SMARCC1: variants seen among roughly 807,000 people sequenced by gnomAD.
The protein encoded by SMARCC1 is SWI/SNF related BAF chromatin remodeling complex subunit C1.
SMARCC1 carries 43 observed loss-of-function variants against 147.4 expected under a neutral mutation model. The ratio of observed to expected loss-of-function variants is 0.29; its 90% CI spans 0.23 to 0.38. SMARCC1 has a LOEUF of 0.38. Among genes scored for constraint, SMARCC1 ranks in the 10% least tolerant of loss-of-function variants. SMARCC1 has a pLI of 1.00. For synonymous variants in SMARCC1, 495 were observed against 484.4 expected (o/e 1.02, Z -0.29); for missense variants, 1,119 against 1,381.1 (o/e 0.81, Z 3.01).
chr3:47,663,575 G>A (rs535951580), intron 19 of SMARCC1: 21 of 1,347,372 alleles, frequency 1.6e-5, no homozygotes, highest in Admixed American at 7.6e-5. Context: ...GCAAGACCCT[G>A]TCTTAGGTCG....
intron 24 of SMARCC1, among the ~76,000 whole-genome samples, chr3:47,627,539 C>A (rs532394922): frequency 6.6e-6 from 1 of 152,190 alleles, no homozygotes; most frequent in South Asian, 2.1e-4. Flanking sequence ...CAGCAAGAGT[C>A]TGAAGCTAAG....
intron 21 of SMARCC1, among the ~76,000 whole-genome samples, chr3:47,639,134 AT>A (rs765803652): frequency 6.6e-6 from 1 of 152,134 alleles, no homozygotes; most frequent in African/African-American, 2.4e-5. Flanking sequence ...TCTGCTTAGG[AT>A]TTTCGATTTT....
At chr3:47,604,433 C>A in intron 26 of SMARCC1, 1 of 386,620 alleles carries the variant, frequency 2.6e-6, no homozygotes, top group Non-Finnish European at 5.1e-6. Flanking sequence ...TAATCTTCAG[C>A]TCCCAATGTA....
intron 26 of SMARCC1, chr3:47,604,317 C>T (rs1436434957): frequency 1.3e-5 from 6 of 456,498 alleles, no homozygotes; most frequent in Non-Finnish European, 2.6e-5. Flanking sequence ...TCTGCCTAGT[C>T]CCTCCTCTCA....
At chr3:47,626,592 T>C (rs2032814364) in intron 24 of SMARCC1, among the ~76,000 whole-genome samples, 1 of 152,190 alleles carries the variant, frequency 6.6e-6, no homozygotes, top group Non-Finnish European at 1.5e-5. Flanking sequence ...AATGCATCTT[T>C]GGAATAATTG....
chr3:47,689,271 A>C, intron 13 of SMARCC1, 116 bp downstream of exon 13: 1 of 781,738 alleles, frequency 1.3e-6, no homozygotes, highest in Non-Finnish European at 2.1e-6. Context: ...AAAATTCAAA[A>C]ACCAGAAGGG....
chr3:47,729,588 G>T (rs1470911171), intron 5 of SMARCC1, among the ~76,000 whole-genome samples: 1 of 152,176 alleles, frequency 6.6e-6, no homozygotes, highest in Non-Finnish European at 1.5e-5. Context: ...GTTTCACCAT[G>T]TTGGTCAGGC....
intron 24 of SMARCC1, 72 bp from the exon 25 acceptor site, chr3:47,622,413 T>C: frequency 7.2e-7 from 1 of 1,385,032 alleles, no homozygotes; most frequent in South Asian, 1.2e-5. Flanking sequence ...ATGCTGACAA[T>C]ATTCAAAGTA....
chr3:47,610,070 C>T lies in SMARCC1; in HGVS notation c.3039G>A (p.Gln1013=), dbSNP rs1417795014. The change falls in exon 26 of 28, where the codon CAG becomes CAA. Residue 1013 remains glutamine, a synonymous_variant. Coordinates refer to ENST00000254480, the MANE Select transcript of SMARCC1 (RefSeq NM_003074.4). Reference sequence around the variant, plus strand: ...AGAGCAGGGCCTTCCTCTTACCTGGCTGGGGTGGATGAGGTGGTGGCATCT... The same window carrying T: ...AGAGCAGGGCCTTCCTCTTACCTGGTTGGGGTGGATGAGGTGGTGGCATCT... The part of the protein sequence containing the change: ...HHQMPPPHPP[Q]PGQIPGPGSM... The T allele has an allele frequency of 1.9e-6, 3 of 1,612,106 alleles. No individual in the cohort carries two copies. The highest frequency in any genetic ancestry group is 1.7e-6 in the Non-Finnish European group (2 of 1,179,964).
chr3:47,704,412 A>G (rs377521475), intron 10 of SMARCC1, among the ~76,000 whole-genome samples: 101 of 152,348 alleles, frequency 6.6e-4, no homozygotes, highest in African/African-American at 2.3e-3. Flanking sequence ...CATATATTTT[A>G]GAGAACTCAA....
Position 47,720,691 on chromosome 3 carries a change from C to T in SMARCC1, c.691G>A (p.Val231Met), listed in dbSNP as rs1325352190. Residue 231 changes from valine (V) to methionine (M), a missense_variant, in exon 7 of 28, where the codon GTG becomes ATG. Val to Met is a conservative substitution (Grantham distance 21). Around this residue, in one of 6 missense-constraint regions of SMARCC1, gnomAD observed 542 missense variants for 611.8 expected, o/e 0.89. Coordinates refer to ENST00000254480, the MANE Select transcript of SMARCC1 (RefSeq NM_003074.4). ...CTGTCTGGGTAAAAGCCCCAATGCACTAACACTTGCTTCTCTTTTCTCATC... is the reference window on the plus strand; with the variant it reads ...CTGTCTGGGTAAAAGCCCCAATGCATTAACACTTGCTTCTCTTTTCTCATC... ...PVMRKEKQVLVHWGFYPDSYD... is the reference protein window; with the variant it reads ...PVMRKEKQVLMHWGFYPDSYD... 3.1e-6 allele frequency: 5 copies of T among 1,612,816 alleles called. No homozygotes were observed. Among genetic ancestry groups the T allele is most frequent in the Admixed American group, 1.7e-5 (1 of 59,968 alleles).
intron 2 of SMARCC1, among the ~76,000 whole-genome samples, chr3:47,748,666 C>T (rs1000642252): frequency 6.6e-6 from 1 of 152,100 alleles, no homozygotes; most frequent in Non-Finnish European, 1.5e-5. Context: ...ATAATTTCCA[C>T]ATTATGAAGG....
intron 5 of SMARCC1, among the ~76,000 whole-genome samples, chr3:47,730,607 TG>T (rs2034361910): frequency 6.6e-6 from 1 of 152,188 alleles, no homozygotes; most frequent in South Asian, 2.1e-4. Flanking sequence ...GGCTCACGCC[TG>T]TAATCCCAGC....
At chr3:47,634,355 T>A (rs182176993) in intron 24 of SMARCC1, among the ~76,000 whole-genome samples, 1 of 152,250 alleles carries the variant, frequency 6.6e-6, no homozygotes, top group Non-Finnish European at 1.5e-5. Context: ...AATCTTGTAG[T>A]TTGAATTGGT....
chr3:47,678,500 A>G (rs747115219), intron 15 of SMARCC1, 189 bp from the exon 16 acceptor site: 176 of 417,814 alleles, frequency 4.2e-4, no homozygotes, highest in Non-Finnish European at 6.5e-4. Context: ...TATGCAAAAC[A>G]ACTGTTTATT....
chr3:47,644,152 C>T (rs1311291865), intron 21 of SMARCC1, among the ~76,000 whole-genome samples: 1 of 152,108 alleles, frequency 6.6e-6, no homozygotes, highest in Non-Finnish European at 1.5e-5. Flanking sequence ...TGCACTCCAG[C>T]CTGGGTGACA....
chr3:47,740,970 C>T (rs2034503361), intron 3 of SMARCC1, among the ~76,000 whole-genome samples: 1 of 151,750 alleles, frequency 6.6e-6, no homozygotes, highest in South Asian at 2.1e-4. Context: ...GCCCACTACA[C>T]ACATAAACAA....
intron 27 of SMARCC1, among the ~76,000 whole-genome samples, chr3:47,588,570 C>T (rs181518658): frequency 6.6e-6 from 1 of 152,028 alleles, no homozygotes; most frequent in Non-Finnish European, 1.5e-5. Context: ...CAGGCCAACT[C>T]CTTCCAAGAA....
chr3:47,598,862 GAC>G (rs113400730), intron 26 of SMARCC1, among the ~76,000 whole-genome samples: 147 of 128,050 alleles, frequency 1.1e-3, no homozygotes, highest in Admixed American at 3.3e-3. Flanking sequence ...GAGAGAGAGA[GAC>G]ACACACACAC....
Sources: gnomAD v4.1 joint callset for allele counts (sites outside exome capture counted in the v4.1 genomes callset) on GRCh38, gnomAD v4.1.1 for gene constraint, gnomAD v4.1.1 regional missense constraint, MANE v1.5 for transcripts, NCBI Gene and HGNC (gene_info 2026-07-23, HGNC 2026-07-21) for gene names.